COL24A1: variants seen among roughly 807,000 people sequenced by gnomAD.
COL24A1 encodes collagen type XXIV alpha 1 chain.
A neutral mutation model predicts 253.9 loss-of-function variants in COL24A1; 224 were observed. That is an observed-to-expected ratio of 0.88 (90% confidence interval 0.79 to 0.99). COL24A1 has a LOEUF of 0.99. COL24A1 is among the 50% of genes least tolerant of loss of function. The pLI, the probability that COL24A1 is intolerant of heterozygous loss-of-function variation, is 0.00. For missense variants in COL24A1, 2,131 were observed against 2,068.5 expected (o/e 1.03, Z -0.59); for synonymous variants, 685 against 673.7 (o/e 1.02, Z -0.26).
At chr1:85,835,257 G>A (rs1039235115) in intron 43 of COL24A1, among the ~76,000 whole-genome samples, 6 of 151,900 alleles carry the variant, frequency 3.9e-5, no homozygotes, top group East Asian at 3.9e-4. Flanking sequence ...TCAGCCTCCC[G>A]AGTAGCTGGG....
chr1:85,790,068 A>G (rs945607178), intron 47 of COL24A1, among the ~76,000 whole-genome samples: 5 of 152,202 alleles, frequency 3.3e-5, no homozygotes, highest in Admixed American at 6.5e-5. Context: ...GCCTCATAAA[A>G]TGAGTTAGGG....
chr1:86,125,448 A>AT lies in COL24A1; in HGVS notation c.887dup (p.Asn296LysfsTer2). 5 of 1,613,584 alleles carry AT rather than the reference A, an allele frequency of 3.1e-6. No homozygotes were observed. Among genetic ancestry groups the AT allele is most frequent in the Non-Finnish European group, 4.2e-6 (5 of 1,179,782 alleles). On this transcript the variant is annotated frameshift_variant, in exon 3 of 60. Coordinates refer to ENST00000370571, the MANE Select transcript of COL24A1 (RefSeq NM_152890.7). LOFTEE classifies it high-confidence loss of function. ...GTCTTTTATACACGGTTTCAGAATC[A>AT]TTTTTTATGATATTTGGAATGCTTT...
intron 1 of COL24A1, chr1:86,154,912 T>A (rs968732046): frequency 1.3e-5 from 2 of 152,424 alleles, no homozygotes; most frequent in Admixed American, 1.3e-4. Flanking sequence ...AGCGGGAAGA[T>A]CTGTCAGTTC....
In COL24A1 at chr1:85,842,318, T is replaced by C. The variant is rs1458774773; in HGVS notation, c.3516+22A>G. The C allele has an allele frequency of 5.9e-6, 9 of 1,534,790 alleles. No individual in the cohort carries two copies. The Admixed American group carries it at 1.8e-4, about 30-fold the overall frequency. On this transcript the variant is annotated intron_variant, in intron 40 of 59. Coordinates refer to ENST00000370571, the MANE Select transcript of COL24A1 (RefSeq NM_152890.7). ...TAAAAATGTTTTCATGTGAATATATTTTTTCAATTATAAATACTTACCCTG... is the reference window on the plus strand; with the variant it reads ...TAAAAATGTTTTCATGTGAATATATCTTTTCAATTATAAATACTTACCCTG...
At chr1:85,868,421 A>T (rs1680026555) in intron 37 of COL24A1, 98 bp downstream of exon 37, 1 of 742,872 alleles carries the variant, frequency 1.3e-6, no homozygotes, top group Admixed American at 2.3e-5. Context: ...TATCCACTGG[A>T]TATATAAGGA....
chr1:85,871,223 A>G (rs974302648), intron 35 of COL24A1, among the ~76,000 whole-genome samples: 1 of 152,288 alleles, frequency 6.6e-6, no homozygotes, highest in Non-Finnish European at 1.5e-5. Context: ...CCAACCAAAA[A>G]AAGTCCAGGA....
chr1:86,051,022 T>C (rs1038329269), intron 10 of COL24A1, among the ~76,000 whole-genome samples: 15 of 152,094 alleles, frequency 9.9e-5, no homozygotes, highest in Non-Finnish European at 1.5e-5. Flanking sequence ...GGGAGTATGG[T>C]AATGCACTGA....
chr1:85,768,589 G>GT (rs1405635058), intron 53 of COL24A1, among the ~76,000 whole-genome samples: 2 of 145,508 alleles, frequency 1.4e-5, no homozygotes, highest in East Asian at 4.4e-4. Context: ...CTTTTGTGCG[G>GT]GGGGAGGGCT....
chr1:86,146,721 A>C (rs1452114050), intron 1 of COL24A1, among the ~76,000 whole-genome samples: 2 of 151,990 alleles, frequency 1.3e-5, no homozygotes, highest in Admixed American at 1.3e-4. Flanking sequence ...CACTCGTACT[A>C]GATTCATGAT....
intron 5 of COL24A1, among the ~76,000 whole-genome samples, chr1:86,093,283 T>C (rs1703640801): frequency 6.6e-6 from 1 of 152,028 alleles, no homozygotes; most frequent in African/African-American, 2.4e-5. Context: ...TCCTGTATTC[T>C]ATAGTCAAAG....
chr1:85,786,180 A>T (rs1408863516), intron 48 of COL24A1, among the ~76,000 whole-genome samples, 174 bp downstream of exon 48: 2 of 152,306 alleles, frequency 1.3e-5, no homozygotes, highest in Non-Finnish European at 2.9e-5. Context: ...TGTGGCTATC[A>T]TGGGAGATGG....
At chr1:85,964,332 A>G (rs1412779264) in intron 23 of COL24A1, among the ~76,000 whole-genome samples, 1 of 152,170 alleles carries the variant, frequency 6.6e-6, no homozygotes, top group Non-Finnish European at 1.5e-5. Context: ...AGTGAGAGAT[A>G]TATCTTTTTA....
chr1:86,027,126 A>G (rs913042300), intron 14 of COL24A1, among the ~76,000 whole-genome samples: 3 of 152,192 alleles, frequency 2.0e-5, no homozygotes, highest in Non-Finnish European at 4.4e-5. Flanking sequence ...GCATTCACAA[A>G]GAGTTTGGAA....
rs571266093 is a variant in COL24A1 at position 85,988,511 on chromosome 1, A to G, written c.2311-857T>C. Among the ~76,000 whole-genome samples the G allele has an allele frequency of 2.6e-5, 4 of 152,226 alleles. No homozygotes were observed. In the East Asian group the frequency reaches 5.8e-4, roughly 22 times the overall value. ...GTGTGATTCATCAAATTATGATTCAATAATTGTAATAAGCTAGTAATTGTG... is the reference window on the plus strand; with the variant it reads ...GTGTGATTCATCAAATTATGATTCAGTAATTGTAATAAGCTAGTAATTGTG... On this transcript the variant is annotated intron_variant, in intron 19 of 59. Transcript: ENST00000370571.
intron 47 of COL24A1, among the ~76,000 whole-genome samples, chr1:85,791,688 TA>T (rs1306906789): frequency 6.6e-6 from 1 of 152,174 alleles, no homozygotes; most frequent in African/African-American, 2.4e-5. Context: ...ATGAAAATCA[TA>T]CGCTCATGAA....
chr1:85,817,733 A>T (rs1673189089), intron 46 of COL24A1, among the ~76,000 whole-genome samples: 2 of 152,094 alleles, frequency 1.3e-5, no homozygotes, highest in African/African-American at 4.8e-5. Flanking sequence ...TCATTTTGTT[A>T]CGATTCTAAG....
Position 86,108,748 on chromosome 1 carries a change from A to G in COL24A1, c.1599+3819T>C, listed in dbSNP as rs538594286. Among the ~76,000 whole-genome samples, 4 of 151,544 alleles carry G rather than the reference A, an allele frequency of 2.6e-5. No homozygotes were observed. In the East Asian group the frequency reaches 7.7e-4, roughly 29 times the overall value. The stretch of plus-strand genomic sequence containing the variant: ...CTTGAACCCAGGAGGTGGAGGTTGC[A>G]GTGAGCCGAGATCGCACCATTGTAC... On this transcript the variant is annotated intron_variant, in intron 5 of 59. Coordinates refer to ENST00000370571, the MANE Select transcript of COL24A1 (RefSeq NM_152890.7).
At chr1:85,771,345 T>C (rs957572507) in intron 53 of COL24A1, among the ~76,000 whole-genome samples, 9 of 152,064 alleles carry the variant, frequency 5.9e-5, no homozygotes, top group Non-Finnish European at 1.2e-4. Context: ...AGTGAGAACA[T>C]GTGGTGTTTG....
At chr1:85,850,759 A>G (rs1001212281) in intron 37 of COL24A1, among the ~76,000 whole-genome samples, 2 of 152,176 alleles carry the variant, frequency 1.3e-5, no homozygotes, top group Admixed American at 1.3e-4. Flanking sequence ...GAGGTATAAA[A>G]GAACATCTTC....
Sources: allele counts gnomAD v4.1 joint callset (sites outside exome capture counted in the v4.1 genomes callset), GRCh38; gene constraint gnomAD v4.1.1; transcripts MANE v1.5; gene names NCBI Gene and HGNC (gene_info 2026-07-23, HGNC 2026-07-21).